The following CACNA1B variants were observed in gnomAD, a reference collection of about 807,000 sequenced individuals.
The protein encoded by CACNA1B is voltage-dependent N-type calcium channel subunit alpha-1B.
A neutral mutation model predicts 247.2 loss-of-function variants in CACNA1B; 70 were observed. That is an observed-to-expected ratio of 0.28 (90% CI 0.23 to 0.35). The LOEUF (loss-of-function observed/expected upper bound fraction) is 0.35. CACNA1B is among the 10% of genes least tolerant of loss of function. CACNA1B has a pLI of 1.00. For missense variants in CACNA1B, 2,367 were observed against 3,197.4 expected, an observed-to-expected ratio of 0.74 and a Z score of 6.26; for synonymous variants, 1,231 against 1,294.4, an observed-to-expected ratio of 0.95 and a Z score of 1.05.
At chr9:137,900,603 G>A (rs1355261580) in intron 3 of CACNA1B, among the ~76,000 whole-genome samples, 2 of 149,664 alleles carry the variant, frequency 1.3e-5, no homozygotes, top group Admixed American at 6.7e-5. Context: ...TGTCTGTGCC[G>A]TGTGTCTCTG....
chr9:137,934,171 C>G (rs562458861), intron 6 of CACNA1B, among the ~76,000 whole-genome samples: 23 of 152,348 alleles, frequency 1.5e-4, no homozygotes, highest in African/African-American at 5.3e-4. Flanking sequence ...AGGTACTTCA[C>G]TGTTCCCACA....
intron 15 of CACNA1B, among the ~76,000 whole-genome samples, chr9:138,004,493 T>C (rs1293689963): frequency 1.4e-5 from 2 of 139,958 alleles, no homozygotes; most frequent in Non-Finnish European, 3.0e-5. Flanking sequence ...GAAGTTGCAG[T>C]GGGCCAAGAT....
intron 6 of CACNA1B, among the ~76,000 whole-genome samples, chr9:137,939,276 T>C (rs999012448): frequency 2.0e-5 from 3 of 152,102 alleles, no homozygotes; most frequent in Admixed American, 6.5e-5. Context: ...TATTCATCAG[T>C]GTATGGAACT....
At chr9:138,026,250 G>T (rs1958919746) in intron 20 of CACNA1B, among the ~76,000 whole-genome samples, 1 of 152,112 alleles carries the variant, frequency 6.6e-6, no homozygotes, top group Non-Finnish European at 1.5e-5. Flanking sequence ...CTTTTCCTTT[G>T]CTTCCTTGGA....
At chr9:137,983,018 G>T (rs547867195) in intron 12 of CACNA1B, among the ~76,000 whole-genome samples, 23 of 152,320 alleles carry the variant, frequency 1.5e-4, no homozygotes, top group African/African-American at 5.3e-4. Context: ...CAATCTGTAG[G>T]GAAGTCTCTA....
Position 137,971,356 on chromosome 9 carries a change from A to C in CACNA1B, c.1334-27A>C, listed in dbSNP as rs773385970. 1.9e-6 allele frequency: 3 copies of C among 1,570,834 alleles called. No individual in the cohort carries two copies. The African/African-American group carries it at 4.1e-5, about 21-fold the overall frequency. ...TAGGCGGGTGCCCATTGGTCCCCACATCCTCAGTAACTCCCCATCCCCTCA... is the reference window on the plus strand; with the variant it reads ...TAGGCGGGTGCCCATTGGTCCCCACCTCCTCAGTAACTCCCCATCCCCTCA... On this transcript the variant is annotated intron_variant, in intron 10 of 46. Transcript: ENST00000371372. This position sits in a 1 kb window ranked among gnomAD's most constrained non-coding sequence, Gnocchi z 4.4.
intron 3 of CACNA1B, among the ~76,000 whole-genome samples, chr9:137,886,135 C>T (rs1426906853): frequency 6.6e-6 from 1 of 151,862 alleles, no homozygotes; most frequent in African/African-American, 2.4e-5. Flanking sequence ...AGATTCTGGG[C>T]CCAGGAGTGA....
chr9:138,114,414 T>A lies in CACNA1B; in HGVS notation c.5573T>A (p.Leu1858Gln), dbSNP rs1961781882. The A allele has an allele frequency of 6.3e-7, 1 of 1,593,644 alleles. No individual in the cohort carries two copies. ...EMTVGKVYAA[L>Q]MIFDFYKQNK... ...ACAGTGGGGAAGGTTTATGCAGCTC[T>A]GATGATATTCGACTTCTACAAGCAG... The change falls in exon 41 of 47, where the codon CTG (leucine) becomes CAG (glutamine). Residue 1858 changes from leucine (L) to glutamine (Q), a missense_variant. Leu to Gln is a moderately radical substitution (Grantham distance 113). Transcript: ENST00000371372.
At chr9:137,895,499 A>G (rs149920034) in intron 3 of CACNA1B, among the ~76,000 whole-genome samples, 2 of 152,154 alleles carry the variant, frequency 1.3e-5, no homozygotes, top group African/African-American at 4.8e-5. Flanking sequence ...TTCTCCATTT[A>G]TGTAGATCTT....
chr9:138,058,397 A>C lies in CACNA1B; in HGVS notation c.4308+147A>C. The C allele has an allele frequency of 1.1e-6, 1 of 947,808 alleles. No homozygotes were observed. The highest frequency in any genetic ancestry group is 2.4e-5 in the East Asian group (1 of 40,948). 58.7% of individuals were successfully genotyped at this position (947,808 alleles called of 1,614,324 possible). ...GGGCAGGTCCTCCTTTCTCCTGCAG[A>C]GGGACCGGATTTGGCTGGTTGAGGC... On this transcript the variant is annotated intron_variant, in intron 28 of 46. Transcript: ENST00000371372. The surrounding 1 kb of genome is among the most constrained non-coding windows in gnomAD (Gnocchi z 4.7).
rs537038319 is a variant in CACNA1B at position 138,084,180 on chromosome 9, G to C, written c.5094+5922G>C. 4.6e-5 allele frequency among the ~76,000 whole-genome samples: 7 copies of C among 151,144 alleles called. 1 individual carries two copies. Among genetic ancestry groups the C allele is most frequent in the African/African-American group, 1.7e-4 (7 of 40,906 alleles). Reference sequence around the variant, plus strand: ...AACGTACACCCAACTCTGCCCCAGGGAGCAAACCTGTACCCCAACACCCAG... The same window carrying C: ...AACGTACACCCAACTCTGCCCCAGGCAGCAAACCTGTACCCCAACACCCAG... On this transcript the variant is annotated intron_variant, in intron 36 of 46. Transcript: ENST00000371372.
At chr9:137,906,093 AGCG>A (rs1392784097) in intron 3 of CACNA1B, among the ~76,000 whole-genome samples, 1 of 152,174 alleles carries the variant, frequency 6.6e-6, no homozygotes, top group Non-Finnish European at 1.5e-5. Flanking sequence ...ACACCACTGG[AGCG>A]GATTTTGTGT....
chr9:138,008,939 T>A (rs1376022904), intron 16 of CACNA1B, among the ~76,000 whole-genome samples: 1 of 151,510 alleles, frequency 6.6e-6, no homozygotes, highest in Non-Finnish European at 1.5e-5. Context: ...AAACCTGGAG[T>A]GATAAAATGG....
At chr9:138,026,078 A>G (rs1399962710) in intron 20 of CACNA1B, among the ~76,000 whole-genome samples, 1 of 152,196 alleles carries the variant, frequency 6.6e-6, no homozygotes, top group East Asian at 1.9e-4. Context: ...ATGCATCCGC[A>G]CACACAGACG....
Position 137,954,405 on chromosome 9 carries a change from G to A in CACNA1B, c.1071-1293G>A, listed in dbSNP as rs994800767. On this transcript the variant is annotated intron_variant, in intron 7 of 46. Transcript: ENST00000371372. This position sits in a 1 kb window ranked among gnomAD's most constrained non-coding sequence, Gnocchi z 4.1. ...AAGCAGAAGAGGTGGCCCCTGTCCT[G>A]CCTCTTCTCACCCAGCGAGGACAGA... 6.6e-6 allele frequency among the ~76,000 whole-genome samples: 1 copy of A among 152,214 alleles called. No individual in the cohort carries two copies. Among genetic ancestry groups the A allele is most frequent in the Non-Finnish European group, 1.5e-5 (1 of 68,034 alleles).
intron 3 of CACNA1B, among the ~76,000 whole-genome samples, chr9:137,900,033 C>G (rs1957214917): frequency 1.3e-5 from 2 of 152,142 alleles, no homozygotes; most frequent in South Asian, 4.1e-4. Flanking sequence ...CTCTGAGTCC[C>G]CAGTCACCTC....
At chr9:137,927,767 T>C (rs1012440619) in intron 6 of CACNA1B, among the ~76,000 whole-genome samples, 2 of 152,232 alleles carry the variant, frequency 1.3e-5, no homozygotes, top group African/African-American at 4.8e-5. Context: ...TTGTTTTTTC[T>C]TTTGAGGTAG....
chr9:137,932,658 A>G (rs915972132), intron 6 of CACNA1B, among the ~76,000 whole-genome samples: 1 of 152,140 alleles, frequency 6.6e-6, no homozygotes, highest in Admixed American at 6.6e-5. Flanking sequence ...GTATTTTCAT[A>G]CTGGGGAACC....
intron 15 of CACNA1B, among the ~76,000 whole-genome samples, chr9:138,001,079 TA>T (rs1416515874): frequency 2.0e-5 from 3 of 152,134 alleles, no homozygotes; most frequent in Non-Finnish European, 2.9e-5. Context: ...CTGCATATAT[TA>T]AAAAAGAACC....
Sources: gnomAD v4.1 joint callset for allele counts (sites outside exome capture counted in the v4.1 genomes callset) on GRCh38, gnomAD v4.1.1 for gene constraint, Gnocchi (gnomAD v3.1) non-coding constraint, MANE v1.5 for transcripts, NCBI Gene and HGNC (gene_info 2026-07-23, HGNC 2026-07-21) for gene names.